The following NLK variants were observed in gnomAD, a reference collection of about 807,000 sequenced individuals.
The protein encoded by NLK is nemo like kinase.
A neutral mutation model predicts 59.0 loss-of-function variants in NLK; 11 were observed. The ratio of observed to expected loss-of-function variants is 0.19; its 90% CI spans 0.12 to 0.31. The LOEUF (loss-of-function observed/expected upper bound fraction) is 0.31, where lower values mean the gene tolerates loss of function less well. NLK is among the 10% of genes least tolerant of loss of function. The pLI, the probability that NLK is intolerant of heterozygous loss-of-function variation, is 1.00. For missense variants in NLK, 410 were observed against 661.1 expected, an observed-to-expected ratio of 0.62 and a Z score of 4.16; for synonymous variants, 235 against 235.9, an observed-to-expected ratio of 1.00 and a Z score of 0.03.
chr17:28,148,690 A>G (rs1003578393), intron 3 of NLK, among the ~76,000 whole-genome samples: 3 of 152,234 alleles, frequency 2.0e-5, no homozygotes, highest in Non-Finnish European at 2.9e-5. Flanking sequence ...GAGGTGACCT[A>G]TGTTAAAAGT....
intron 1 of NLK, among the ~76,000 whole-genome samples, chr17:28,110,452 G>T (rs1257541035): frequency 6.7e-6 from 1 of 148,422 alleles, no homozygotes. Flanking sequence ...GTCTAGGCGT[G>T]GATCTCTTTG....
rs574196921 is a variant in NLK, at chr17:28,133,203, G to T, written c.644+528G>T. ...TATCAGATGCCGGGCACAATTCTAA[G>T]CTCTTTACACATGTTTATTTAATCC... is the stretch of plus-strand genomic sequence containing the variant. On this transcript the variant is annotated intron_variant, in intron 3 of 10. Coordinates refer to ENST00000407008, the MANE Select transcript of NLK (RefSeq NM_016231.5). Among the ~76,000 whole-genome samples the T allele has an allele frequency of 1.4e-4, 22 of 152,278 alleles. 1 individual carries two copies. In the South Asian group the frequency reaches 4.6e-3, roughly 32 times the overall value.
At chr17:28,097,947 G>T (rs1458328174) in intron 1 of NLK, among the ~76,000 whole-genome samples, 1 of 152,072 alleles carries the variant, frequency 6.6e-6, no homozygotes, top group African/African-American at 2.4e-5. Flanking sequence ...TGTTTACAGG[G>T]TAACCTAGTT....
At chr17:28,133,515 G>A (rs559681405) in intron 3 of NLK, among the ~76,000 whole-genome samples, 1 of 152,094 alleles carries the variant, frequency 6.6e-6, no homozygotes, top group African/African-American at 2.4e-5. Flanking sequence ...AATAATGCCT[G>A]GTGATAGCTC....
chr17:28,140,914 GATAAGT>G (rs1906963291), intron 3 of NLK, among the ~76,000 whole-genome samples: 2 of 152,020 alleles, frequency 1.3e-5, no homozygotes, highest in African/African-American at 4.8e-5. Flanking sequence ...ATATTAGTAG[GATAAGT>G]ATATTTTCAA....
intron 3 of NLK, among the ~76,000 whole-genome samples, chr17:28,139,606 A>G (rs1415657581): frequency 1.3e-5 from 2 of 152,254 alleles, no homozygotes; most frequent in African/African-American, 4.8e-5. Context: ...TGGGATGAAT[A>G]CAAAGATGCA....
rs113504684 is a variant in NLK, at chr17:28,069,823, G to A, written c.458+26492G>A. Among the ~76,000 whole-genome samples, 993 of 152,052 alleles carry A rather than the reference G, an allele frequency of 6.5e-3. 17 individuals are homozygous for A. The highest frequency in any genetic ancestry group is 0.022 in the African/African-American group (928 of 41,462). Reference sequence around the variant, plus strand: ...AATCTATTGTATTTTCTCCTACTCTGTAACTTACCTTTTCATTTTGTAAAT... The same window carrying A: ...AATCTATTGTATTTTCTCCTACTCTATAACTTACCTTTTCATTTTGTAAAT... On this transcript the variant is annotated intron_variant, in intron 1 of 10. Coordinates refer to ENST00000407008, the MANE Select transcript of NLK (RefSeq NM_016231.5).
intron 2 of NLK, among the ~76,000 whole-genome samples, chr17:28,129,693 A>ATAT (rs1906439687): frequency 6.6e-6 from 1 of 152,098 alleles, no homozygotes; most frequent in Non-Finnish European, 1.5e-5. Flanking sequence ...TGTGTTCCTT[A>ATAT]TATTCTTATT....
At chr17:28,142,494 A>G (rs1224921577) in intron 3 of NLK, among the ~76,000 whole-genome samples, 1 of 152,218 alleles carries the variant, frequency 6.6e-6, no homozygotes, top group Non-Finnish European at 1.5e-5. Flanking sequence ...TGTTGCAAAG[A>G]AGATGATGAG....
the NLK span, among the ~76,000 whole-genome samples, chr17:28,205,476 G>A: frequency 6.6e-6 from 1 of 152,256 alleles, no homozygotes; most frequent in South Asian, 2.1e-4. Context: ...AGAAAAGAGA[G>A]CCAAAGATCT....
chr17:28,108,755 T>C (rs1905317786), intron 1 of NLK, among the ~76,000 whole-genome samples: 1 of 152,228 alleles, frequency 6.6e-6, no homozygotes, highest in South Asian at 2.1e-4. Flanking sequence ...ATGCTTACTA[T>C]ATTAATTACT....
intron 1 of NLK, among the ~76,000 whole-genome samples, chr17:28,112,292 T>G: frequency 6.6e-6 from 1 of 152,138 alleles, no homozygotes; most frequent in South Asian, 2.1e-4. Context: ...GACCCCACAT[T>G]GCTACTGGGT....
At chr17:28,083,614 AG>A (rs1452800392) in intron 1 of NLK, among the ~76,000 whole-genome samples, 1 of 152,194 alleles carries the variant, frequency 6.6e-6, no homozygotes, top group Non-Finnish European at 1.5e-5. Context: ...TAATGGATTG[AG>A]GGTACATTTT....
At position 28,173,940 on chromosome 17, in the gene NLK, C is replaced by T. The variant is rs554852766; in HGVS notation, c.1149+1322C>T. 4.6e-5 allele frequency among the ~76,000 whole-genome samples: 7 copies of T among 152,262 alleles called. No homozygotes were observed. In the South Asian group the frequency reaches 1.4e-3, roughly 32 times the overall value. On this transcript the variant is annotated intron_variant, in intron 7 of 10. Coordinates refer to ENST00000407008, the MANE Select transcript of NLK (RefSeq NM_016231.5). ...GAAGATCAGACACCCTTATGCTACC[C>T]TTCTGTCTCTAGAGGAGTTTTAACT...
intron 3 of NLK, among the ~76,000 whole-genome samples, chr17:28,152,863 A>T (rs966966615): frequency 6.6e-6 from 1 of 152,022 alleles, no homozygotes; most frequent in Non-Finnish European, 1.5e-5. Flanking sequence ...AGCTCAAGTG[A>T]TCCTCCTGCC....
chr17:28,083,671 CAAAG>C (rs888550434), intron 1 of NLK, among the ~76,000 whole-genome samples: 6 of 152,092 alleles, frequency 3.9e-5, no homozygotes, highest in Admixed American at 2.0e-4. Context: ...TTTTTAGTGT[CAAAG>C]AAACCATTCT....
intron 1 of NLK, among the ~76,000 whole-genome samples, chr17:28,076,914 C>G (rs998305863): frequency 6.6e-6 from 1 of 151,998 alleles, no homozygotes; most frequent in Non-Finnish European, 1.5e-5. Context: ...AACATTGCAG[C>G]TTGTAAGATT....
chr17:28,190,626 G>A (rs957914014), intron 8 of NLK, among the ~76,000 whole-genome samples: 3 of 151,990 alleles, frequency 2.0e-5, no homozygotes, highest in Admixed American at 6.6e-5. Context: ...CACTGTGAAC[G>A]CATCTTCAGG....
At chr17:28,171,987 T>C (rs1175364526) in intron 6 of NLK, among the ~76,000 whole-genome samples, 1 of 151,216 alleles carries the variant, frequency 6.6e-6, no homozygotes, top group Non-Finnish European at 1.5e-5. Flanking sequence ...ATAGAATAAA[T>C]AGGAATAGGA....
Sources: allele counts gnomAD v4.1 joint callset (sites outside exome capture counted in the v4.1 genomes callset), GRCh38; gene constraint gnomAD v4.1.1; transcripts MANE v1.5; gene names NCBI Gene and HGNC (gene_info 2026-07-23, HGNC 2026-07-21).